Variants in TMEM39A observed in about 807,000 individuals in gnomAD.
The protein encoded by TMEM39A is transmembrane protein 39A.
In TMEM39A, 19 loss-of-function variants were observed where a neutral mutation model predicts 51.9. The observed-to-expected ratio is 0.37, with a 90% CI of 0.26 to 0.54. The LOEUF (loss-of-function observed/expected upper bound fraction) is 0.54, where lower values mean the gene tolerates loss of function less well. Ranked by LOEUF, TMEM39A falls within the 20% of genes least tolerant of loss-of-function variation. The pLI is 0.88. For synonymous variants in TMEM39A, 197 were observed against 220.2 expected (o/e 0.89, Z 0.93); for missense variants, 433 against 590.5 (o/e 0.73, Z 2.76).
At chr3:119,453,569 T>C (rs189890171) in intron 3 of TMEM39A, among the ~76,000 whole-genome samples, 22 of 152,374 alleles carry the variant, frequency 1.4e-4, no homozygotes, top group Non-Finnish European at 2.6e-4. Flanking sequence ...CATACTCTTC[T>C]AGAAAGAGCT....
intron 3 of TMEM39A, among the ~76,000 whole-genome samples, chr3:119,455,480 T>C (rs1577064440): frequency 6.6e-6 from 1 of 152,202 alleles, no homozygotes; most frequent in Non-Finnish European, 1.5e-5. Context: ...AAGCTAAAAA[T>C]GACATTTCCA....
chr3:119,457,278 T>C (rs948425850), intron 3 of TMEM39A, among the ~76,000 whole-genome samples: 3 of 152,216 alleles, frequency 2.0e-5, no homozygotes, highest in African/African-American at 7.2e-5. Context: ...CCTATCATGG[T>C]ACTCTTAATA....
chr3:119,432,016 A>G lies in TMEM39A; in HGVS notation c.1432T>C (p.Tyr478His), dbSNP rs778067719. 1 of 1,612,484 alleles carries G rather than the reference A, an allele frequency of 6.2e-7. No homozygotes were observed. The highest frequency in any genetic ancestry group is 1.1e-5 in the South Asian group (1 of 91,002). The change falls in exon 9 of 9, where the codon TAC (tyrosine) becomes CAC (histidine). Residue 478 changes from tyrosine (Y) to histidine (H), a missense_variant. Transcript: ENST00000319172. ...TTGAGTTCATAACTGTTGAGTGGGT[A>G]GGAGTATGCCCTGCCTAATACTATT... ...DRIVLGRAYS[Y>H]PLNSYELKAN is the part of the protein sequence containing the mutation.
chr3:119,436,622 T>C (rs540857652), intron 7 of TMEM39A, 169 bp downstream of exon 7: 68 of 667,126 alleles, frequency 1.0e-4, no homozygotes, highest in Non-Finnish European at 1.5e-4. Context: ...GTGGTGGAAA[T>C]GAGTTAATGT....
chr3:119,433,466 T>G (rs2107657004), intron 8 of TMEM39A, among the ~76,000 whole-genome samples: 1 of 152,264 alleles, frequency 6.6e-6, no homozygotes, highest in African/African-American at 2.4e-5. Context: ...GATTTAACTG[T>G]CTATCCAGTC....
intron 4 of TMEM39A, among the ~76,000 whole-genome samples, chr3:119,447,857 G>A (rs761297743): frequency 5.9e-5 from 9 of 151,958 alleles, no homozygotes; most frequent in Non-Finnish European, 8.8e-5. Context: ...TCCTGACCTC[G>A]TGATCCACCC....
At chr3:119,448,406 G>A (rs943470031) in intron 4 of TMEM39A, among the ~76,000 whole-genome samples, 7 of 152,164 alleles carry the variant, frequency 4.6e-5, no homozygotes, top group Admixed American at 1.3e-4. Context: ...ACAGTACATG[G>A]TAGGGGATAA....
intron 7 of TMEM39A, chr3:119,436,054 A>G (rs1291184229): frequency 3.1e-6 from 2 of 645,434 alleles, no homozygotes; most frequent in Admixed American, 5.6e-5. Flanking sequence ...AAATTTGTGA[A>G]ATGTTCAAAT....
intron 5 of TMEM39A, among the ~76,000 whole-genome samples, chr3:119,443,274 G>A (rs1290570572): frequency 6.6e-6 from 1 of 152,154 alleles, no homozygotes; most frequent in East Asian, 1.9e-4. Flanking sequence ...CAGCAATAGG[G>A]TTTGAGAGAA....
chr3:119,457,254 G>C (rs1425531622), intron 3 of TMEM39A, among the ~76,000 whole-genome samples: 1 of 152,206 alleles, frequency 6.6e-6, no homozygotes, highest in African/African-American at 2.4e-5. Flanking sequence ...ACAGGCGTGA[G>C]CCACCGCGCC....
rs767822534 is a variant in TMEM39A, at chr3:119,436,909, T to G, written c.994A>C (p.Met332Leu). The G allele has an allele frequency of 6.2e-7, 1 of 1,613,934 alleles. No homozygotes were observed. The highest frequency in any genetic ancestry group is 1.7e-5 in the Admixed American group (1 of 60,014). The change falls in exon 7 of 9, where the codon ATG becomes CTG. Residue 332 changes from methionine to leucine, a missense_variant. Transcript: ENST00000319172. The part of the protein sequence containing the change: ...LIMVWINAFV[M>L]LTTQLLPSKY... ...GATGGCAACAGTTGCGTGGTGAGCATGACAAAAGCATTGATCCACACCATA... is the reference window on the plus strand; with the variant it reads ...GATGGCAACAGTTGCGTGGTGAGCAGGACAAAAGCATTGATCCACACCATA...
At chr3:119,440,531 C>T (rs1306068393) in intron 5 of TMEM39A, among the ~76,000 whole-genome samples, 1 of 152,114 alleles carries the variant, frequency 6.6e-6, no homozygotes, top group Non-Finnish European at 1.5e-5. Flanking sequence ...ATTCAAGATA[C>T]ACTTAGGAAC....
At chr3:119,433,812 A>G (rs2080930481) in intron 8 of TMEM39A, among the ~76,000 whole-genome samples, 1 of 152,120 alleles carries the variant, frequency 6.6e-6, no homozygotes. Flanking sequence ...CACCTTCCCC[A>G]TGTTCCTCCC....
intron 5 of TMEM39A, among the ~76,000 whole-genome samples, chr3:119,443,450 C>T (rs894381408): frequency 1.4e-4 from 21 of 152,312 alleles, no homozygotes; most frequent in African/African-American, 5.1e-4. Flanking sequence ...CCTTCAGCAA[C>T]CACCACCCTG....
intron 4 of TMEM39A, among the ~76,000 whole-genome samples, chr3:119,449,981 T>A (rs1238273823): frequency 6.6e-6 from 1 of 152,158 alleles, no homozygotes; most frequent in Non-Finnish European, 1.5e-5. Context: ...TTTCTCAGGG[T>A]AGGGATCCTT....
rs2081134640 is a variant in TMEM39A at position 119,447,018 on chromosome 3, G to A, written c.575C>T (p.Pro192Leu). 2.5e-6 allele frequency: 4 copies of A among 1,613,416 alleles called. No homozygotes were observed. Among genetic ancestry groups the A allele is most frequent in the Non-Finnish European group, 1.7e-6 (2 of 1,179,788 alleles). The change falls in exon 5 of 9, where the codon CCG (proline) becomes CTG (leucine). Residue 192 changes from proline (P) to leucine (L), a missense_variant and splice_region_variant. Around this residue, in one of 3 missense-constraint regions of TMEM39A, gnomAD observed 170 missense variants for 239.8 expected, o/e 0.71. Transcript: ENST00000319172. ...AACATGGTAAAACTGGAGTACTCAC[G>A]GGTAGCCAAGGAAAAGGAGATTGAG... ...SVLNLLFLGY[P>L]FGVYVPLCCF...
chr3:119,435,872 G>A, intron 7 of TMEM39A: 1 of 1,289,636 alleles, frequency 7.8e-7, no homozygotes, highest in African/African-American at 1.5e-5. Context: ...TTTGCCCACA[G>A]TCGGGTTTCT....
intron 7 of TMEM39A, chr3:119,435,531 C>A: frequency 1.0e-6 from 1 of 981,902 alleles, no homozygotes; most frequent in Middle Eastern, 5.2e-4. Context: ...TTCTTTCCAG[C>A]ATAATGGAGT....
At chr3:119,433,714 T>C (rs1242163259) in intron 8 of TMEM39A, among the ~76,000 whole-genome samples, 2 of 152,188 alleles carry the variant, frequency 1.3e-5, no homozygotes, top group Non-Finnish European at 2.9e-5. Context: ...GCTCATGTAC[T>C]TGTGACTTAA....
Sources: gnomAD v4.1 joint callset for allele counts (sites outside exome capture counted in the v4.1 genomes callset) on GRCh38, gnomAD v4.1.1 for gene constraint, gnomAD v4.1.1 regional missense constraint, MANE v1.5 for transcripts, NCBI Gene and HGNC (gene_info 2026-07-23, HGNC 2026-07-21) for gene names.